Variants in NR6A1 observed in about 807,000 individuals in gnomAD.
NR6A1 encodes the protein retinoic acid receptor-related testis-associated receptor.
A neutral mutation model predicts 59.1 loss-of-function variants in NR6A1; 7 were observed. The ratio of observed to expected loss-of-function variants is 0.12; its 90% CI spans 0.07 to 0.22. The LOEUF (loss-of-function observed/expected upper bound fraction) is 0.22, where lower values mean the gene tolerates loss of function less well. Among genes scored for constraint, NR6A1 ranks in the 10% least tolerant of loss-of-function variants. The pLI is 1.00. For missense variants in NR6A1, 468 were observed against 611.6 expected, an observed-to-expected ratio of 0.77 and a Z score of 2.48; for synonymous variants, 243 against 236.1, an observed-to-expected ratio of 1.03 and a Z score of -0.27.
At chr9:124,622,896 A>G (rs909670261) in intron 2 of NR6A1, among the ~76,000 whole-genome samples, 4 of 152,178 alleles carry the variant, frequency 2.6e-5, no homozygotes, top group African/African-American at 9.6e-5. Flanking sequence ...GATTTTGCAG[A>G]GAGAAATGGA....
intron 7 of NR6A1, among the ~76,000 whole-genome samples, chr9:124,533,114 C>T (rs1833147032): frequency 6.6e-6 from 1 of 152,232 alleles, no homozygotes; most frequent in Non-Finnish European, 1.5e-5. Flanking sequence ...AAACCCATTA[C>T]TTGGAAGTGG....
At chr9:124,665,063 G>A (rs917718934) in intron 2 of NR6A1, among the ~76,000 whole-genome samples, 2 of 147,590 alleles carry the variant, frequency 1.4e-5, no homozygotes, top group Admixed American at 1.3e-4. Context: ...ACTTGGTGGT[G>A]TGTGCCTCTG....
chr9:124,632,712 G>T (rs1335233811), intron 2 of NR6A1, among the ~76,000 whole-genome samples: 1 of 152,078 alleles, frequency 6.6e-6, no homozygotes, highest in Non-Finnish European at 1.5e-5. Context: ...TGAAATTATT[G>T]GTTCAATACA....
chr9:124,721,351 AC>A (rs760331393), intron 2 of NR6A1, among the ~76,000 whole-genome samples: 2 of 152,020 alleles, frequency 1.3e-5, no homozygotes, highest in African/African-American at 4.8e-5. Context: ...ATCTCATACC[AC>A]CCCTACCCTG....
chr9:124,741,845 TTA>T (rs1840180827), intron 1 of NR6A1, among the ~76,000 whole-genome samples: 1 of 152,166 alleles, frequency 6.6e-6, no homozygotes, highest in Non-Finnish European at 1.5e-5. Flanking sequence ...CATCTGTCGA[TTA>T]TGAGTACTCA....
intron 2 of NR6A1, among the ~76,000 whole-genome samples, chr9:124,653,607 T>A (rs1133941): frequency 6.6e-6 from 1 of 152,200 alleles, no homozygotes; most frequent in Non-Finnish European, 1.5e-5. Flanking sequence ...GGGGTCTTAC[T>A]ATGTTGCTAA....
chr9:124,584,075 ACAT>A (rs1834849453), intron 2 of NR6A1, among the ~76,000 whole-genome samples: 1 of 151,194 alleles, frequency 6.6e-6, no homozygotes, highest in Admixed American at 6.6e-5. Context: ...GCATGAGCAT[ACAT>A]CATTTTATTG....
chr9:124,761,091 TCA>T (rs1230614186), intron 1 of NR6A1, among the ~76,000 whole-genome samples: 18 of 152,246 alleles, frequency 1.2e-4, no homozygotes, highest in African/African-American at 4.3e-4. Flanking sequence ...CAAATCTGTC[TCA>T]GTTATTAGGT....
intron 2 of NR6A1, among the ~76,000 whole-genome samples, chr9:124,632,914 G>C (rs1836489745): frequency 6.6e-6 from 1 of 152,158 alleles, no homozygotes; most frequent in Admixed American, 6.6e-5. Flanking sequence ...TAATGAGAAA[G>C]TTGTGGGAGA....
chr9:124,748,610 C>T (rs1840402850), intron 1 of NR6A1, among the ~76,000 whole-genome samples: 1 of 152,108 alleles, frequency 6.6e-6, no homozygotes, highest in Non-Finnish European at 1.5e-5. Context: ...CCTGTAATCC[C>T]AGCACTTTGG....
intron 1 of NR6A1, among the ~76,000 whole-genome samples, chr9:124,738,399 C>T (rs1277318870): frequency 1.3e-5 from 2 of 151,878 alleles, no homozygotes; most frequent in Admixed American, 1.3e-4. Flanking sequence ...TCTGAGAAAT[C>T]CAGGGTCTTT....
intron 2 of NR6A1, among the ~76,000 whole-genome samples, chr9:124,565,412 A>G (rs1256776160): frequency 6.6e-6 from 1 of 152,086 alleles, no homozygotes; most frequent in East Asian, 1.9e-4. Flanking sequence ...GGGCAACAGA[A>G]CGAGACTCCG....
At chr9:124,698,957 T>C (rs946005644) in intron 2 of NR6A1, among the ~76,000 whole-genome samples, 6 of 151,862 alleles carry the variant, frequency 4.0e-5, no homozygotes, top group Non-Finnish European at 7.4e-5. Context: ...CAGTAAGTAG[T>C]TGGGGCAAAA....
intron 2 of NR6A1, among the ~76,000 whole-genome samples, chr9:124,639,454 G>A (rs1361092828): frequency 6.6e-6 from 1 of 152,208 alleles, no homozygotes; most frequent in Non-Finnish European, 1.5e-5. Flanking sequence ...TGAGGCCAAA[G>A]ACTAAATGAG....
intron 2 of NR6A1, among the ~76,000 whole-genome samples, chr9:124,694,177 T>C (rs543731949): frequency 2.4e-4 from 37 of 152,238 alleles, no homozygotes; most frequent in Admixed American, 9.8e-4. Context: ...AAAACATGTA[T>C]AATTATAATA....
chr9:124,561,495 C>T (rs1834083548), intron 2 of NR6A1, among the ~76,000 whole-genome samples: 1 of 152,084 alleles, frequency 6.6e-6, no homozygotes, highest in South Asian at 2.1e-4. Flanking sequence ...CAATAGATTA[C>T]CCATAAATGA....
chr9:124,556,917 C>T (rs752776744), intron 2 of NR6A1, among the ~76,000 whole-genome samples: 8 of 150,646 alleles, frequency 5.3e-5, no homozygotes, highest in Non-Finnish European at 1.2e-4. Context: ...AGACTTGTCT[C>T]AAGTCAGCTG....
At chr9:124,738,424 A>T (rs564302326) in intron 1 of NR6A1, among the ~76,000 whole-genome samples, 25 of 152,334 alleles carry the variant, frequency 1.6e-4, no homozygotes, top group Non-Finnish European at 3.5e-4. Context: ...GGTGACTTAA[A>T]TTGCTTTCAA....
chr9:124,734,085 C>T (rs1230541062), intron 1 of NR6A1, among the ~76,000 whole-genome samples: 2 of 152,202 alleles, frequency 1.3e-5, no homozygotes, highest in Non-Finnish European at 2.9e-5. Context: ...TGGCTGCATA[C>T]TTTCTTCTGT....
Sources: gnomAD v4.1 joint callset for allele counts (sites outside exome capture counted in the v4.1 genomes callset) on GRCh38, gnomAD v4.1.1 for gene constraint, MANE v1.5 for transcripts, NCBI Gene and HGNC (gene_info 2026-07-23, HGNC 2026-07-21) for gene names.